GNG7: variants seen among roughly 807,000 people sequenced by gnomAD.
GNG7 encodes the protein G protein subunit gamma 7, also known as guanine nucleotide-binding protein G(I)/G(S)/G(O) subunit gamma-7.
GNG7 carries 1 observed loss-of-function variant against 4.0 expected under a neutral mutation model. The ratio of observed to expected loss-of-function variants is 0.25; its 90% CI spans 0.09 to 1.18. The LOEUF (loss-of-function observed/expected upper bound fraction) is 1.18. GNG7 is among the 50% of genes most tolerant of loss of function. GNG7 has a pLI of 0.50. For missense variants in GNG7, 86 were observed against 91.9 expected (o/e 0.94, Z 0.26); for synonymous variants, 34 against 36.9 (o/e 0.92, Z 0.29).
intron 1 of GNG7, among the ~76,000 whole-genome samples, chr19:2,687,019 T>C (rs2144906061): frequency 6.6e-6 from 1 of 151,464 alleles, no homozygotes; most frequent in Admixed American, 6.6e-5. Flanking sequence ...CCCAAAGTGC[T>C]GGGATTACAG....
rs551550042 is a variant in GNG7 at position 2,593,792 on chromosome 19, T to C, written c.-77-38604A>G. 7.3e-5 allele frequency among the ~76,000 whole-genome samples: 11 copies of C among 151,512 alleles called. No homozygotes were observed. In the East Asian group the frequency reaches 2.1e-3, roughly 29 times the overall value. On this transcript the variant is annotated intron_variant, in intron 2 of 4. Coordinates refer to ENST00000382159, the MANE Select transcript of GNG7 (RefSeq NM_052847.3). The stretch of plus-strand genomic sequence containing the variant: ...CTTTTCCCGGGGTAGCACTTTTTTT[T>C]TTTTTTTAAACAATCCTTGGAGTTC...
At chr19:2,666,370 G>C (rs138897644) in intron 1 of GNG7, among the ~76,000 whole-genome samples, 1 of 150,964 alleles carries the variant, frequency 6.6e-6, no homozygotes, top group African/African-American at 2.4e-5. Flanking sequence ...ATGGGGTTTC[G>C]CCATGTCGGC....
At chr19:2,644,957 C>T (rs1237429106) in intron 2 of GNG7, among the ~76,000 whole-genome samples, 1 of 152,178 alleles carries the variant, frequency 6.6e-6, no homozygotes, top group Non-Finnish European at 1.5e-5. Context: ...AATTACCTCT[C>T]ATGACCATTG....
chr19:2,563,343 G>A (rs1009253742), intron 2 of GNG7, among the ~76,000 whole-genome samples: 2 of 152,218 alleles, frequency 1.3e-5, no homozygotes, highest in East Asian at 3.8e-4. Context: ...CCTCGGCACT[G>A]TAGGCTGCTG....
At chr19:2,635,802 C>G (rs907910993) in intron 2 of GNG7, among the ~76,000 whole-genome samples, 1 of 152,064 alleles carries the variant, frequency 6.6e-6, no homozygotes, top group Non-Finnish European at 1.5e-5. Context: ...AGGATGGTCT[C>G]GAACTCCTGA....
At chr19:2,598,518 G>A (rs1351241273) in intron 2 of GNG7, among the ~76,000 whole-genome samples, 4 of 151,324 alleles carry the variant, frequency 2.6e-5, no homozygotes, top group African/African-American at 4.8e-5. Flanking sequence ...TTAGCTGGGT[G>A]TGGTGGCGGG....
At chr19:2,640,835 C>T (rs996423675) in intron 2 of GNG7, among the ~76,000 whole-genome samples, 2 of 152,116 alleles carry the variant, frequency 1.3e-5, no homozygotes, top group Admixed American at 1.3e-4. Context: ...TGCTATGTTG[C>T]CCAGGCTAGT....
At chr19:2,560,915 C>G (rs2144769195) in intron 2 of GNG7, among the ~76,000 whole-genome samples, 1 of 149,878 alleles carries the variant, frequency 6.7e-6, no homozygotes, top group African/African-American at 2.5e-5. Context: ...CGAGATCGTA[C>G]CATTGCACTC....
At chr19:2,659,112 G>A (rs1295544364) in intron 1 of GNG7, among the ~76,000 whole-genome samples, 1 of 151,914 alleles carries the variant, frequency 6.6e-6, no homozygotes, top group Non-Finnish European at 1.5e-5. Flanking sequence ...TGGGACTACA[G>A]GCGCCCGCCA....
At chr19:2,659,010 C>T (rs1983067406) in intron 1 of GNG7, among the ~76,000 whole-genome samples, 1 of 151,102 alleles carries the variant, frequency 6.6e-6, no homozygotes, top group Non-Finnish European at 1.5e-5. Flanking sequence ...CGCTCTGTCA[C>T]CCAGGCTGGA....
intron 3 of GNG7, among the ~76,000 whole-genome samples, chr19:2,537,071 C>T (rs1034891892): frequency 7.3e-5 from 11 of 150,956 alleles, no homozygotes; most frequent in East Asian, 5.8e-4. Flanking sequence ...CTCAGCCTCC[C>T]GAGTAGCTGG....
intron 2 of GNG7, among the ~76,000 whole-genome samples, chr19:2,583,267 T>G (rs1044953018): frequency 1.3e-5 from 2 of 152,212 alleles, no homozygotes; most frequent in African/African-American, 4.8e-5. Context: ...TCTTTAAACC[T>G]TTGTGTGTTT....
intron 4 of GNG7, among the ~76,000 whole-genome samples, chr19:2,516,724 G>C (rs974661661): frequency 6.6e-6 from 1 of 152,144 alleles, no homozygotes; most frequent in Non-Finnish European, 1.5e-5. Context: ...GGTGACACCC[G>C]GCCAGGGGGC....
chr19:2,641,898 C>G (rs1982518355), intron 2 of GNG7: 1 of 152,284 alleles, frequency 6.6e-6, no homozygotes, highest in African/African-American at 2.4e-5. Context: ...CTCCTGACCT[C>G]AGGTGATCCG....
chr19:2,607,555 A>G (rs1443796237), intron 2 of GNG7, among the ~76,000 whole-genome samples: 2 of 80,536 alleles, frequency 2.5e-5, no homozygotes, highest in African/African-American at 8.5e-5. Flanking sequence ...AAGAAAGACT[A>G]AAATGGTAAA....
chr19:2,569,006 TACACACAA>T, intron 2 of GNG7, among the ~76,000 whole-genome samples: 1 of 151,382 alleles, frequency 6.6e-6, no homozygotes, highest in Admixed American at 6.6e-5. Context: ...TACACACATA[TACACACAA>T]GCAGACACAT....
chr19:2,690,891 G>A (rs1358853887), intron 1 of GNG7, among the ~76,000 whole-genome samples: 1 of 152,172 alleles, frequency 6.6e-6, no homozygotes, highest in East Asian at 1.9e-4. Flanking sequence ...ACCGCGCCCG[G>A]CCAGGGCAGT....
chr19:2,623,712 C>T (rs1029432143), intron 2 of GNG7, among the ~76,000 whole-genome samples: 2 of 152,182 alleles, frequency 1.3e-5, no homozygotes, highest in South Asian at 4.1e-4. Context: ...GAAACCCCAT[C>T]TCTACTAAAA....
intron 1 of GNG7, among the ~76,000 whole-genome samples, chr19:2,657,346 AAAAAAAAAAAAAAAAATATATATATATAT>A (rs1264386919): frequency 0.13 from 2,534 of 19,950 alleles, 323 homozygotes; most frequent in East Asian, 0.27. Context: ...TTAAAAAAAA[AAAAAAAAAAAAAAAAATATATATATATAT>A]ATATATATAT....
Sources: gnomAD v4.1 joint callset for allele counts (sites outside exome capture counted in the v4.1 genomes callset) on GRCh38, gnomAD v4.1.1 for gene constraint, MANE v1.5 for transcripts, NCBI Gene and HGNC (gene_info 2026-07-23, HGNC 2026-07-21) for gene names.